UBR2: variants seen among roughly 807,000 people sequenced by gnomAD.
UBR2 encodes E3 ubiquitin-protein ligase UBR2.
UBR2 carries 92 observed loss-of-function variants against 247.9 expected under a neutral mutation model. The observed-to-expected ratio is 0.37, with a 90% confidence interval of 0.31 to 0.44. UBR2 has a LOEUF of 0.44. Ranked by LOEUF, UBR2 falls within the 20% of genes least tolerant of loss-of-function variation. The pLI is 1.00. For missense variants in UBR2, 1,613 were observed against 2,112.6 expected (o/e 0.76, Z 4.64); for synonymous variants, 672 against 693.5 (o/e 0.97, Z 0.49).
chr6:42,652,869 C>T (rs1245364493), intron 25 of UBR2, among the ~76,000 whole-genome samples: 1 of 152,144 alleles, frequency 6.6e-6, no homozygotes, highest in Non-Finnish European at 1.5e-5. Flanking sequence ...CAGTTGTTCT[C>T]TCCTAGATTG....
rs1025010600 is a variant in UBR2 at position 42,646,970 on chromosome 6, C to T, written c.2410-1148C>T. 2.0e-5 allele frequency among the ~76,000 whole-genome samples: 3 copies of T among 151,406 alleles called. No individual in the cohort carries two copies. In the East Asian group the frequency reaches 5.9e-4, roughly 30 times the overall value. Reference sequence around the variant, plus strand: ...CCAAGTAGCTGGGATTACAGGCGCACGCCACCATGCCCGGCTAATTTTTGT... The same window carrying T: ...CCAAGTAGCTGGGATTACAGGCGCATGCCACCATGCCCGGCTAATTTTTGT... On this transcript the variant is annotated intron_variant, in intron 21 of 46. Transcript: ENST00000372901.
intron 26 of UBR2, among the ~76,000 whole-genome samples, chr6:42,657,183 C>T (rs775657893): frequency 2.0e-5 from 3 of 149,018 alleles, no homozygotes; most frequent in South Asian, 2.1e-4. Context: ...TGCAGTGATC[C>T]GAGATTACAC....
At chr6:42,589,062 T>C (rs1205472727) in intron 2 of UBR2, among the ~76,000 whole-genome samples, 1 of 152,158 alleles carries the variant, frequency 6.6e-6, no homozygotes, top group East Asian at 1.9e-4. Context: ...CTCACAGCAG[T>C]CTTAAACACC....
chr6:42,627,448 G>A (rs1290823869), intron 11 of UBR2, among the ~76,000 whole-genome samples: 1 of 152,056 alleles, frequency 6.6e-6, no homozygotes, highest in Admixed American at 6.6e-5. Flanking sequence ...TCCCAAGCAA[G>A]GAGGGAGTTT....
chr6:42,683,105 C>A lies in UBR2; in HGVS notation c.4769C>A (p.Ala1590Asp), dbSNP rs754204275. ...AGATATCTAGAAGGTGAAAGAGATGCTATAAGGTAAGTTAAAGAGCCTCAA... is the reference window on the plus strand; with the variant it reads ...AGATATCTAGAAGGTGAAAGAGATGATATAAGGTAAGTTAAAGAGCCTCAA... ...VKRYLEGERD[A>D]IRYPRESNKL... Residue 1590 changes from alanine to aspartate, a missense_variant, in exon 43 of 47, where the codon GCT becomes GAT. Physicochemically the swap from Ala to Asp is moderately radical, Grantham distance 126 (BLOSUM62 -2). Around this residue, in one of 3 missense-constraint regions of UBR2, gnomAD observed 1,524 missense variants for 1,967.3 expected, o/e 0.77. Coordinates refer to ENST00000372901, the MANE Select transcript of UBR2 (RefSeq NM_001363705.2). The A allele has an allele frequency of 3.1e-6, 5 of 1,612,108 alleles. No homozygotes were observed. Among genetic ancestry groups the A allele is most frequent in the Non-Finnish European group, 4.2e-6 (5 of 1,179,204 alleles).
chr6:42,580,832 C>T (rs950217401), intron 2 of UBR2, among the ~76,000 whole-genome samples: 1 of 152,058 alleles, frequency 6.6e-6, no homozygotes, highest in African/African-American at 2.4e-5. Context: ...TGAGCCACCG[C>T]GCCCGGCCTT....
chr6:42,650,419 G>A (rs746877577), intron 23 of UBR2, 33 bp downstream of exon 23: 2 of 1,557,280 alleles, frequency 1.3e-6, no homozygotes, highest in African/African-American at 1.4e-5. Flanking sequence ...TAGCAGGGAA[G>A]GATTGCATTG....
At chr6:42,665,119 G>A (rs993249500) in intron 32 of UBR2, among the ~76,000 whole-genome samples, 7 of 152,212 alleles carry the variant, frequency 4.6e-5, no homozygotes, top group African/African-American at 1.7e-4. Context: ...ATAAGCACTT[G>A]GTAGATATTA....
intron 2 of UBR2, among the ~76,000 whole-genome samples, chr6:42,586,373 T>G (rs181778341): frequency 4.5e-4 from 69 of 152,206 alleles, no homozygotes; most frequent in Non-Finnish European, 8.5e-4. Context: ...AAACAAAACT[T>G]GAAACTTGTT....
Position 42,692,440 on chromosome 6 carries a change from CTTATAA to C in UBR2, c.*1272_*1277del, listed in dbSNP as rs1481557717. The C allele has an allele frequency of 1.3e-5, 2 of 152,122 alleles. No homozygotes were observed. The highest frequency in any genetic ancestry group is 1.9e-4 in the East Asian group (1 of 5,198). 9.4% of individuals were successfully genotyped at this position (152,122 alleles called of 1,614,324 possible). A position where few individuals can be genotyped will look rare whatever the true frequency, so the allele number is the denominator to read the frequency against. ...AGAACAAGAGCCACTTACAAAATAG[CTTATAA>C]TTATTATGTACCACACAACTACTAT... On this transcript the variant is annotated 3_prime_UTR_variant, in exon 47 of 47. Transcript: ENST00000372901.
At chr6:42,580,946 G>T (rs898861192) in intron 2 of UBR2, among the ~76,000 whole-genome samples, 5 of 151,480 alleles carry the variant, frequency 3.3e-5, no homozygotes, top group African/African-American at 1.2e-4. Flanking sequence ...GGCTCCAGCC[G>T]CCTAGGTAAC....
intron 38 of UBR2, 69 bp from the exon 39 acceptor site, chr6:42,675,987 A>C: frequency 1.3e-6 from 2 of 1,503,916 alleles, no homozygotes; most frequent in Non-Finnish European, 1.8e-6. Flanking sequence ...AGTAAAAGTA[A>C]GAAGATGGAA....
intron 11 of UBR2, chr6:42,620,494 GTTT>G (rs1282900841): frequency 2.1e-5 from 2 of 97,024 alleles, no homozygotes; most frequent in East Asian, 7.3e-4. Flanking sequence ...TTTTTTTTTT[GTTT>G]TTGTTTTTGT....
intron 14 of UBR2, among the ~76,000 whole-genome samples, chr6:42,636,787 A>G (rs866663679): frequency 1.1e-4 from 17 of 152,098 alleles, no homozygotes; most frequent in Non-Finnish European, 2.2e-4. Context: ...AATGGGGGAA[A>G]GGAGGGTATT....
rs1382622301 is a variant in UBR2 at position 42,582,012 on chromosome 6, G to A, written c.338+8019G>A. On this transcript the variant is annotated intron_variant, in intron 2 of 46. Coordinates refer to ENST00000372901, the MANE Select transcript of UBR2 (RefSeq NM_001363705.2). ...ATGATACATTTTAAGGGCTGGGTGCGGTGGCTCACACCTGTAATCCCAGCA... is the reference window on the plus strand; with the variant it reads ...ATGATACATTTTAAGGGCTGGGTGCAGTGGCTCACACCTGTAATCCCAGCA... 3.3e-5 allele frequency among the ~76,000 whole-genome samples: 5 copies of A among 152,022 alleles called. No individual in the cohort carries two copies. In the South Asian group the frequency reaches 6.2e-4, roughly 19 times the overall value.
chr6:42,586,414 C>T (rs775870761), intron 2 of UBR2, among the ~76,000 whole-genome samples: 17 of 152,002 alleles, frequency 1.1e-4, no homozygotes, highest in Non-Finnish European at 2.5e-4. Context: ...CAGTCTTATT[C>T]CATGTGCATT....
At chr6:42,684,104 G>A (rs553167354) in intron 43 of UBR2, among the ~76,000 whole-genome samples, 18 of 152,196 alleles carry the variant, frequency 1.2e-4, no homozygotes, top group Middle Eastern at 3.4e-3. Context: ...CCACCCTGAC[G>A]TCAGAAAACT....
Position 42,693,071 on chromosome 6 carries a change from C to G in UBR2, c.*1898C>G, listed in dbSNP as rs1406534325. On this transcript the variant is annotated 3_prime_UTR_variant, in exon 47 of 47. Transcript: ENST00000372901. ...AAGCTAAAATTTAAAATAATAAGACCAGGTTTCTCTCTGTACAAGTGGATT... is the reference window on the plus strand; with the variant it reads ...AAGCTAAAATTTAAAATAATAAGACGAGGTTTCTCTCTGTACAAGTGGATT... 1.3e-5 allele frequency: 2 copies of G among 151,942 alleles called. No homozygotes were observed. Among genetic ancestry groups the G allele is most frequent in the Non-Finnish European group, 2.9e-5 (2 of 67,994 alleles). The allele number at this position is 151,942 out of a possible 1,614,324, so 9.4% of individuals were successfully genotyped here. A position where few individuals can be genotyped will look rare whatever the true frequency, so the allele number is the denominator to read the frequency against.
chr6:42,651,307 A>G (rs1797095981), intron 23 of UBR2, among the ~76,000 whole-genome samples: 1 of 151,860 alleles, frequency 6.6e-6, no homozygotes, highest in African/African-American at 2.4e-5. Context: ...CTTAAACATA[A>G]AGCTTTTATT....
Sources: gnomAD v4.1 joint callset for allele counts (sites outside exome capture counted in the v4.1 genomes callset) on GRCh38, gnomAD v4.1.1 for gene constraint, gnomAD v4.1.1 regional missense constraint, MANE v1.5 for transcripts, NCBI Gene and HGNC (gene_info 2026-07-23, HGNC 2026-07-21) for gene names.